Variants in DMD observed in about 807,000 individuals in gnomAD.
DMD encodes dystrophin.
Under a neutral mutation model 330.1 loss-of-function variants are expected in DMD, and 63 were observed. That is an observed-to-expected ratio of 0.19 (90% CI 0.16 to 0.24). DMD has a LOEUF of 0.24. DMD is among the 10% of genes least tolerant of loss of function. The pLI, the probability that DMD is intolerant of heterozygous loss-of-function variation, is 1.00. For missense variants in DMD, 3,344 were observed against 2,684.1 expected (o/e 1.25, Z -5.43); for synonymous variants, 1,223 against 959.8 (o/e 1.27, Z -5.07).
At chrX:33,076,447 A>G (rs1318192854) in intron 1 of DMD, among the ~76,000 whole-genome samples, 3 of 111,563 alleles carry the variant, frequency 2.7e-5, no homozygotes, top group African/African-American at 3.3e-5. Flanking sequence ...CTTGTATGTA[A>G]TTTTAAGGGA....
intron 17 of DMD, among the ~76,000 whole-genome samples, chrX:32,537,027 C>A (rs1603635759): frequency 9.0e-6 from 1 of 111,059 alleles, no homozygotes; most frequent in Non-Finnish European, 1.9e-5. Flanking sequence ...AAAAAAATAA[C>A]AAACTAAAGA....
chrX:32,627,416 T>C lies in DMD; in HGVS notation c.1332-12963A>G, dbSNP rs1461423270. Among the ~76,000 whole-genome samples the C allele has an allele frequency of 6.7e-5, 7 of 105,044 alleles. 2 individuals are homozygous for C. The highest frequency in any genetic ancestry group is 2.4e-4 in the African/African-American group (6 of 24,753). 91.2% of individuals were successfully genotyped at this position (105,044 alleles called of 115,157 possible). A position where few individuals can be genotyped will look rare whatever the true frequency, so the allele number is the denominator to read the frequency against. On this transcript the variant is annotated intron_variant, in intron 11 of 78. Coordinates refer to ENST00000357033, the MANE Select transcript of DMD (RefSeq NM_004006.3). The stretch of plus-strand genomic sequence containing the variant: ...AAAGAAGACTTACTAAAGAGTAATT[T>C]TGATCTTGTAGAATTTGGGGCTTTT...
At chrX:31,595,789 T>G (rs886439442) in intron 55 of DMD, among the ~76,000 whole-genome samples, 1 of 108,148 alleles carries the variant, frequency 9.2e-6, no homozygotes. Flanking sequence ...ATAATGACAA[T>G]AATATTGCCT....
intron 1 of DMD, among the ~76,000 whole-genome samples, chrX:33,166,617 T>C (rs944607731): frequency 1.8e-5 from 2 of 111,193 alleles, no homozygotes. Flanking sequence ...AAAAAGTGTG[T>C]TACCTGATTT....
chrX:32,726,007 G>A (rs1363007536), intron 7 of DMD, among the ~76,000 whole-genome samples: 2 of 110,052 alleles, frequency 1.8e-5, no homozygotes, highest in African/African-American at 6.6e-5. Flanking sequence ...AAATTCCCCT[G>A]GAATATATGC....
chrX:32,355,503 G>A (rs911509261), intron 37 of DMD, among the ~76,000 whole-genome samples: 1 of 111,712 alleles, frequency 9.0e-6, no homozygotes, highest in Admixed American at 9.5e-5. Flanking sequence ...CAAATGTTAT[G>A]CTAACAAGAC....
intron 41 of DMD, among the ~76,000 whole-genome samples, chrX:32,329,544 G>T: frequency 8.9e-6 from 1 of 112,097 alleles, no homozygotes. Flanking sequence ...TTCCACATAT[G>T]AAATACTCGA....
chrX:33,082,751 C>T (rs1370946058), intron 1 of DMD, among the ~76,000 whole-genome samples: 6 of 112,019 alleles, frequency 5.4e-5, no homozygotes, highest in Admixed American at 2.8e-4. Context: ...CAAGGTTAAG[C>T]TCTTAAGGAC....
intron 1 of DMD, among the ~76,000 whole-genome samples, chrX:33,329,270 A>G (rs748251158): frequency 5.4e-4 from 60 of 111,905 alleles, no homozygotes; most frequent in African/African-American, 1.8e-3. Context: ...GAAATTAAAG[A>G]CTAATAATGC....
chrX:32,923,342 C>T (rs1387692207), intron 2 of DMD, among the ~76,000 whole-genome samples: 1 of 110,872 alleles, frequency 9.0e-6, no homozygotes, highest in Non-Finnish European at 1.9e-5. Context: ...AGGGGGATCA[C>T]TTGAGGCCAG....
intron 60 of DMD, among the ~76,000 whole-genome samples, chrX:31,427,360 C>T (rs2063774761): frequency 9.0e-6 from 1 of 111,521 alleles, no homozygotes; most frequent in Admixed American, 9.6e-5. Flanking sequence ...CTCTTCTGCA[C>T]ATTAATATCA....
At chrX:31,218,226 T>TG (rs1652585750) in intron 64 of DMD, among the ~76,000 whole-genome samples, 1 of 108,910 alleles carries the variant, frequency 9.2e-6, no homozygotes, top group Admixed American at 9.7e-5. Flanking sequence ...GGTTTCTTTT[T>TG]TTTTTTTTTC....
At chrX:32,424,792 TAA>T (rs201484279) in intron 29 of DMD, among the ~76,000 whole-genome samples, 58 of 90,901 alleles carry the variant, frequency 6.4e-4, no homozygotes, top group African/African-American at 2.0e-3. Flanking sequence ...AGAGAGATTG[TAA>T]AAAAAAAAAA....
intron 7 of DMD, among the ~76,000 whole-genome samples, chrX:32,725,412 A>G (rs983256905): frequency 9.0e-6 from 1 of 111,325 alleles, no homozygotes; most frequent in Admixed American, 9.6e-5. Context: ...ATGACCGCCT[A>G]TAAAGATACA....
chrX:31,686,542 T>C (rs1037845046), intron 52 of DMD, among the ~76,000 whole-genome samples: 2 of 112,471 alleles, frequency 1.8e-5, no homozygotes, highest in African/African-American at 6.5e-5. Flanking sequence ...CATTCATTTG[T>C]ATAAAACATC....
intron 18 of DMD, among the ~76,000 whole-genome samples, chrX:32,507,171 T>A (rs769725012): frequency 1.8e-5 from 2 of 111,524 alleles, no homozygotes; most frequent in African/African-American, 6.5e-5. Context: ...GAATTTGAAC[T>A]TTATCCAGAA....
intron 55 of DMD, among the ~76,000 whole-genome samples, chrX:31,526,324 C>T (rs1404196618): frequency 4.5e-5 from 5 of 111,987 alleles, no homozygotes; most frequent in African/African-American, 1.6e-4. Context: ...ATTTAGCAGT[C>T]ATCCTTTTGA....
At chrX:31,263,994 C>A (rs983602268) in intron 62 of DMD, among the ~76,000 whole-genome samples, 9 of 112,171 alleles carry the variant, frequency 8.0e-5, no homozygotes, top group Non-Finnish European at 1.1e-4. Flanking sequence ...AATCCAGAGC[C>A]CCACTGGGAC....
intron 17 of DMD, among the ~76,000 whole-genome samples, chrX:32,534,471 A>C (rs1277199466): frequency 2.7e-5 from 3 of 111,137 alleles, no homozygotes; most frequent in African/African-American, 9.8e-5. Context: ...ATGTGATGTG[A>C]CTGTTTCCCC....
Sources: allele counts gnomAD v4.1 joint callset (sites outside exome capture counted in the v4.1 genomes callset), GRCh38; gene constraint gnomAD v4.1.1; transcripts MANE v1.5; gene names NCBI Gene and HGNC (gene_info 2026-07-23, HGNC 2026-07-21).